The following CNTNAP2 variants were observed in gnomAD, a reference collection of about 807,000 sequenced individuals.
CNTNAP2 encodes contactin-associated protein-like 2.
CNTNAP2 carries 98 observed loss-of-function variants against 155.2 expected under a neutral mutation model. The ratio of observed to expected loss-of-function variants is 0.63; its 90% CI spans 0.54 to 0.75. The LOEUF (loss-of-function observed/expected upper bound fraction) is 0.75, where lower values mean the gene tolerates loss of function less well. Ranked by LOEUF, CNTNAP2 falls within the 30% of genes least tolerant of loss-of-function variation. CNTNAP2 has a pLI of 0.00. For synonymous variants in CNTNAP2, 651 were observed against 631.2 expected (o/e 1.03, Z -0.47); for missense variants, 1,727 against 1,688.1 (o/e 1.02, Z -0.40).
rs1383522373 is a variant in CNTNAP2 at position 148,365,976 on chromosome 7, GCATGTATA to G, written c.3476-17667_3476-17660del. Among the ~76,000 whole-genome samples the G allele has an allele frequency of 3.1e-3, 8 of 2,564 alleles. 4 individuals carry two copies. Among genetic ancestry groups the G allele is most frequent in the African/African-American group, 3.8e-3 (8 of 2,088 alleles). 1.7% of individuals were successfully genotyped at this position (2,564 alleles called of 152,430 possible). A position where few individuals can be genotyped will look rare whatever the true frequency, so the allele number is the denominator to read the frequency against. On this transcript the variant is annotated intron_variant, in intron 21 of 23. Coordinates refer to ENST00000361727, the MANE Select transcript of CNTNAP2 (RefSeq NM_014141.6). ...TGTATGCATGTATACATGTGTGTAT[GCATGTATA>G]CATGTGTGTATGCATGTATGCATGT...
intron 4 of CNTNAP2, among the ~76,000 whole-genome samples, chr7:147,106,850 C>A: frequency 6.6e-6 from 1 of 152,148 alleles, no homozygotes; most frequent in Non-Finnish European, 1.5e-5. Context: ...TGGTATGCTC[C>A]ACTTACAAGG....
At chr7:146,266,823 C>T (rs536168269) in intron 1 of CNTNAP2, among the ~76,000 whole-genome samples, 28 of 151,530 alleles carry the variant, frequency 1.8e-4, no homozygotes, top group African/African-American at 5.6e-4. Flanking sequence ...ACTCACACTC[C>T]GTCCACATCC....
At chr7:147,292,930 G>A (rs1300515081) in intron 8 of CNTNAP2, among the ~76,000 whole-genome samples, 2 of 151,984 alleles carry the variant, frequency 1.3e-5, no homozygotes, top group Non-Finnish European at 2.9e-5. Context: ...CCACCATGCT[G>A]GCTAATTTTG....
intron 2 of CNTNAP2, among the ~76,000 whole-genome samples, chr7:146,803,598 A>G (rs986531710): frequency 7.9e-5 from 12 of 152,212 alleles, no homozygotes; most frequent in African/African-American, 1.2e-4. Context: ...TGTGCCTACA[A>G]GAGGAGCTGT....
At chr7:147,693,854 C>T (rs1012112252) in intron 13 of CNTNAP2, among the ~76,000 whole-genome samples, 3 of 151,902 alleles carry the variant, frequency 2.0e-5, no homozygotes, top group Non-Finnish European at 4.4e-5. Flanking sequence ...TGTCTTATTG[C>T]ATTAGCTAGG....
intron 8 of CNTNAP2, among the ~76,000 whole-genome samples, chr7:147,165,476 C>G (rs1017608129): frequency 2.6e-5 from 4 of 151,946 alleles, no homozygotes; most frequent in African/African-American, 9.7e-5. Context: ...CTGACTGTTC[C>G]CTTTGCTGTG....
At chr7:147,658,549 G>A (rs1003294742) in intron 13 of CNTNAP2, among the ~76,000 whole-genome samples, 12 of 152,184 alleles carry the variant, frequency 7.9e-5, no homozygotes, top group Non-Finnish European at 1.3e-4. Flanking sequence ...ATGAAAAAGT[G>A]TATTGCTGAA....
At chr7:147,904,812 TA>T in intron 14 of CNTNAP2, among the ~76,000 whole-genome samples, 1 of 152,298 alleles carries the variant, frequency 6.6e-6, no homozygotes, top group Non-Finnish European at 1.5e-5. Context: ...AAAATACTTG[TA>T]AATAGCTATC....
intron 11 of CNTNAP2, among the ~76,000 whole-genome samples, chr7:147,559,091 G>T (rs541807338): frequency 6.6e-6 from 1 of 151,946 alleles, no homozygotes; most frequent in Non-Finnish European, 1.5e-5. Context: ...GCCCAGGCTG[G>T]TCTCCAACTC....
chr7:148,228,885 A>G (rs115587739), intron 19 of CNTNAP2, among the ~76,000 whole-genome samples: 60 of 150,762 alleles, frequency 4.0e-4, no homozygotes, highest in African/African-American at 1.4e-3. Flanking sequence ...ATTCTTTTAT[A>G]TGCCCAATGT....
intron 12 of CNTNAP2, among the ~76,000 whole-genome samples, chr7:147,565,470 C>T (rs1422339115): frequency 2.0e-5 from 3 of 152,120 alleles, no homozygotes; most frequent in Non-Finnish European, 2.9e-5. Context: ...ACATCTACCA[C>T]TTGGGCTTCT....
At position 146,149,972 on chromosome 7, in the gene CNTNAP2, A is replaced by C. The variant is rs1798013401; in HGVS notation, c.97+32999A>C. Among the ~76,000 whole-genome samples, 4 of 152,032 alleles carry C rather than the reference A, an allele frequency of 2.6e-5. No homozygotes were observed. In the South Asian group the frequency reaches 8.3e-4, roughly 32 times the overall value. On this transcript the variant is annotated intron_variant, in intron 1 of 23. Transcript: ENST00000361727. ...CAGAATTAAACAAACAAACAAAAAC[A>C]CTAAGAGAATGAAAAAGCTAAGCTA...
chr7:146,783,231 C>T (rs1009163851), intron 2 of CNTNAP2, among the ~76,000 whole-genome samples: 2 of 152,064 alleles, frequency 1.3e-5, no homozygotes, highest in African/African-American at 4.8e-5. Context: ...TTATAAGCCT[C>T]ATATAAAAAA....
chr7:147,343,673 G>A (rs761794958), intron 9 of CNTNAP2, among the ~76,000 whole-genome samples: 3 of 152,142 alleles, frequency 2.0e-5, no homozygotes, highest in South Asian at 2.1e-4. Context: ...CACTCAGTGC[G>A]GCAATGATAA....
rs1491185639 is a variant in CNTNAP2 at position 147,441,850 on chromosome 7, TC to T, written c.1671-44082del. On this transcript the variant is annotated intron_variant, in intron 10 of 23. Coordinates refer to ENST00000361727, the MANE Select transcript of CNTNAP2 (RefSeq NM_014141.6). ...CTCTCTCTCTCTCTCTCTCTCTCTCTCCCTCCCTCCCTCCCTCCCTCCCTCC... is the reference window on the plus strand; with the variant it reads ...CTCTCTCTCTCTCTCTCTCTCTCTCTCCTCCCTCCCTCCCTCCCTCCCTCC... Among the ~76,000 whole-genome samples, 167 of 72,576 alleles carry T rather than the reference TC, an allele frequency of 2.3e-3. 1 individual carries two copies. The highest frequency in any genetic ancestry group is 7.5e-3 in the African/African-American group (157 of 20,836). 47.6% of individuals were successfully genotyped at this position (72,576 alleles called of 152,430 possible).
intron 13 of CNTNAP2, among the ~76,000 whole-genome samples, chr7:147,891,074 A>AT (rs201972695): frequency 4.7e-4 from 72 of 152,246 alleles, no homozygotes; most frequent in Middle Eastern, 3.4e-3. Flanking sequence ...ATTAAAAACT[A>AT]TTTTTTTTAA....
chr7:148,177,805 T>C (rs115258363), intron 18 of CNTNAP2, among the ~76,000 whole-genome samples: 137 of 152,276 alleles, frequency 9.0e-4, no homozygotes, highest in African/African-American at 3.0e-3. Context: ...TAAAGCTTTT[T>C]GATTATTGTG....
chr7:146,233,997 G>T (rs1363871769), intron 1 of CNTNAP2, among the ~76,000 whole-genome samples: 2 of 150,502 alleles, frequency 1.3e-5, no homozygotes, highest in Admixed American at 1.3e-4. Context: ...GGGATGGCTG[G>T]GTCAAATGGT....
intron 15 of CNTNAP2, among the ~76,000 whole-genome samples, chr7:148,093,561 T>G (rs1443286493): frequency 6.6e-6 from 1 of 152,124 alleles, no homozygotes; most frequent in African/African-American, 2.4e-5. Context: ...AAGGAAAACA[T>G]GACGTCAGGA....
Sources: allele counts gnomAD v4.1 joint callset (sites outside exome capture counted in the v4.1 genomes callset), GRCh38; gene constraint gnomAD v4.1.1; transcripts MANE v1.5; gene names NCBI Gene and HGNC (gene_info 2026-07-23, HGNC 2026-07-21).